Variants in STK11 observed in about 807,000 individuals in gnomAD.
The protein encoded by STK11 is serine/threonine kinase 11.
STK11 carries 8 observed loss-of-function variants against 47.3 expected under a neutral mutation model. The ratio of observed to expected loss-of-function variants is 0.17; its 90% CI spans 0.10 to 0.31. The LOEUF (loss-of-function observed/expected upper bound fraction) is 0.31. STK11 is among the 10% of genes least tolerant of loss of function. The pLI is 1.00. For synonymous variants in STK11, 330 were observed against 255.8 expected (o/e 1.29, Z -2.77); for missense variants, 475 against 605.0 (o/e 0.79, Z 2.25).
Position 1,219,444 on chromosome 19 carries a change from G to C in STK11, c.464+31G>C, listed in dbSNP as rs12608721. 18 of 1,304,746 alleles carry C rather than the reference G, an allele frequency of 1.4e-5. No homozygotes were observed. In the Admixed American group the frequency reaches 1.4e-4, roughly 10 times the overall value. The allele number at this position is 1,304,746 out of a possible 1,614,324, so 80.8% of individuals were successfully genotyped here. ...TGCGCGGGGCAGGGGCCAGGGTGGG[G>C]CGGGGGCCGGGGGCCAGGCAGGGCA... On this transcript the variant is annotated intron_variant, in intron 3 of 9. Transcript: ENST00000326873.
chr19:1,226,822 C>T (rs369091161), intron 9 of STK11, 159 bp downstream of exon 9: 17 of 898,578 alleles, frequency 1.9e-5, no homozygotes, highest in Middle Eastern at 3.6e-4. Context: ...TAGCGATCCC[C>T]GTGGAGGGTG....
At position 1,221,642 on chromosome 19, in the gene STK11, T is replaced by C. The variant is rs1277799473; in HGVS notation, c.862+302T>C. The C allele has an allele frequency of 2.9e-5, 17 of 587,050 alleles. No homozygotes were observed. In the South Asian group the frequency reaches 3.0e-4, roughly 10 times the overall value. The allele number at this position is 587,050 out of a possible 1,614,324, so 36.4% of individuals were successfully genotyped here. A position where few individuals can be genotyped will look rare whatever the true frequency, so the allele number is the denominator to read the frequency against. ...GCAGGGTCTGTCAGGGTTGTCCTGC[T>C]GCACTTCCTACGCATGGCAGCAGGT... On this transcript the variant is annotated intron_variant, in intron 6 of 9. Transcript: ENST00000326873.
rs751352435 is a variant in STK11, at chr19:1,226,611, C to T, written c.1266C>T (p.Ser422=). ...NPARKACSAS[S]KIRRLSACKQ... Reference sequence around the variant, plus strand: ...CCCGCAAGGCCTGCTCCGCCAGCAGCAAGATCCGCCGGCTGTCGGCCTGCA... The same window carrying T: ...CCCGCAAGGCCTGCTCCGCCAGCAGTAAGATCCGCCGGCTGTCGGCCTGCA... Residue 422 remains serine, a synonymous_variant, in exon 9 of 10, where the codon AGC becomes AGT. Transcript: ENST00000326873. 1.9e-6 allele frequency: 3 copies of T among 1,556,592 alleles called. No individual in the cohort carries two copies. The highest frequency in any genetic ancestry group is 1.9e-5 in the Admixed American group (1 of 51,882).
Position 1,206,438 on chromosome 19 carries a change from C to T in STK11, c.-476C>T. 1 of 237,516 alleles carries T rather than the reference C, an allele frequency of 4.2e-6. No homozygotes were observed. Among genetic ancestry groups the T allele is most frequent in the Non-Finnish European group, 8.3e-6 (1 of 120,878 alleles). 14.7% of individuals were successfully genotyped at this position (237,516 alleles called of 1,614,324 possible). A position where few individuals can be genotyped will look rare whatever the true frequency, so the allele number is the denominator to read the frequency against. ...GTTGGGCTCTCCAGGTGTGGGGGTC[C>T]CGGGGGGTAGCGACGTCGCGGACCC... On this transcript the variant is annotated 5_prime_UTR_variant, in exon 1 of 10. Coordinates refer to ENST00000326873, the MANE Select transcript of STK11 (RefSeq NM_000455.5).
intron 8 of STK11, chr19:1,224,208 T>C (rs900659246): frequency 1.0e-6 from 1 of 984,630 alleles, no homozygotes. Context: ...GTACAGTGTC[T>C]GGGGGCCCCC....
At position 1,208,985 on chromosome 19, in the gene STK11, T is replaced by G. The variant is rs200739501; in HGVS notation, c.290+1782T>G. ...AAACCAGGGGCACAGGCTCTGAAGT[T>G]TGTACTCTGGAGCTGGAGCAGTCAG... On this transcript the variant is annotated intron_variant, in intron 1 of 9. Coordinates refer to ENST00000326873, the MANE Select transcript of STK11 (RefSeq NM_000455.5). Among the ~76,000 whole-genome samples, 12 of 152,124 alleles carry G rather than the reference T, an allele frequency of 7.9e-5. No individual in the cohort carries two copies. The East Asian group carries it at 2.3e-3, about 29-fold the overall frequency.
intron 8 of STK11, chr19:1,224,213 GC>G (rs1288102390): frequency 1.3e-5 from 13 of 984,748 alleles, no homozygotes; most frequent in East Asian, 2.3e-4. Flanking sequence ...GTGTCTGGGG[GC>G]CCCCCAGGAG....
intron 1 of STK11, among the ~76,000 whole-genome samples, chr19:1,212,735 G>A (rs1437794545): frequency 3.9e-5 from 6 of 151,972 alleles, no homozygotes; most frequent in Non-Finnish European, 5.9e-5. Flanking sequence ...TAGTAGAGAC[G>A]GGGTTTCACC....
chr19:1,222,917 G>A (rs2080795124), intron 7 of STK11, 68 bp from the exon 8 acceptor site: 2 of 1,473,226 alleles, frequency 1.4e-6, no homozygotes, highest in South Asian at 1.4e-5. Flanking sequence ...GCCCAGAGGA[G>A]CTGGGTCGGA....
intron 8 of STK11, chr19:1,224,265 G>A (rs1039038802): frequency 3.0e-6 from 3 of 985,384 alleles, no homozygotes; most frequent in Non-Finnish European, 3.6e-6. Context: ...TACAGCGTGT[G>A]TGGGGCCCCC....
In STK11 at chr19:1,224,192, C is replaced by CG. The variant is rs1157979713; in HGVS notation, c.1108+1026dup. On this transcript the variant is annotated intron_variant, in intron 8 of 9. Transcript: ENST00000326873. ...CGAGAGCACAGTGTATGGGGGTCCC[C>CG]GGGGGGTACAGTGTCTGGGGGCCCC... The CG allele has an allele frequency of 1.6e-5, 16 of 985,220 alleles. No individual in the cohort carries two copies. The East Asian group carries it at 1.1e-3, about 70-fold the overall frequency. 61.0% of individuals were successfully genotyped at this position (985,220 alleles called of 1,614,324 possible).
rs114811194 is a variant in STK11, at chr19:1,213,806, G to C, written c.291-4611G>C. ...CACATCAGGAGGGATTCAGGGACCA[G>C]GGCACGCGGGTCTGGAGCTGGGTGT... On this transcript the variant is annotated intron_variant, in intron 1 of 9. Transcript: ENST00000326873. 9.2e-3 allele frequency among the ~76,000 whole-genome samples: 1,404 copies of C among 152,336 alleles called. 33 individuals are homozygous for C. Among genetic ancestry groups the C allele is most frequent in the African/African-American group, 0.032 (1,349 of 41,570 alleles).
intron 1 of STK11, among the ~76,000 whole-genome samples, chr19:1,212,220 A>G (rs72979514): frequency 2.8e-5 from 4 of 145,350 alleles, no homozygotes; most frequent in Non-Finnish European, 6.0e-5. Flanking sequence ...GACGGCCCGT[A>G]TATCCCACAA....
chr19:1,212,588 C>T (rs1046224959), intron 1 of STK11, among the ~76,000 whole-genome samples: 4 of 151,960 alleles, frequency 2.6e-5, no homozygotes, highest in South Asian at 2.1e-4. Context: ...ATTTTTGAGA[C>T]GGAGTCTCGC....
At chr19:1,207,573 T>G (rs2080676668) in intron 1 of STK11, among the ~76,000 whole-genome samples, 1 of 152,232 alleles carries the variant, frequency 6.6e-6, no homozygotes, top group Non-Finnish European at 1.5e-5. Flanking sequence ...CTGTGTTTGT[T>G]TGGGCCCCGA....
At position 1,221,237 on chromosome 19, in the gene STK11, C is replaced by T. The variant is rs137853075; in HGVS notation, c.759C>T (p.Tyr253=). ...VTLYNITTGL[Y]PFEGDNIYKL... is the part of the protein sequence containing the mutation. ...GCTACAACATCACCACGGGTCTGTA[C>T]CCCTTCGAAGGGGACAACATCTACA... The change falls in exon 6 of 10, where the codon TAC becomes TAT. Residue 253 remains tyrosine (Y), a synonymous_variant. Coordinates refer to ENST00000326873, the MANE Select transcript of STK11 (RefSeq NM_000455.5). 6.2e-7 allele frequency: 1 copy of T among 1,612,602 alleles called. No homozygotes were observed. The highest frequency in any genetic ancestry group is 8.5e-7 in the Non-Finnish European group (1 of 1,179,652).
chr19:1,216,907 C>T (rs2080748561), intron 1 of STK11, among the ~76,000 whole-genome samples: 1 of 151,820 alleles, frequency 6.6e-6, no homozygotes, highest in South Asian at 2.1e-4. Flanking sequence ...CAAGGTGCAG[C>T]TAGGCTGTGG....
chr19:1,212,419 C>T (rs2080717905), intron 1 of STK11, among the ~76,000 whole-genome samples: 1 of 151,592 alleles, frequency 6.6e-6, no homozygotes, highest in African/African-American at 2.4e-5. Context: ...ACCACCACAC[C>T]CGACTAGTTT....
chr19:1,206,440 G>A lies in STK11; in HGVS notation c.-474G>A, dbSNP rs866050909. 162 of 237,282 alleles carry A rather than the reference G, an allele frequency of 6.8e-4. No homozygotes were observed. The highest frequency in any genetic ancestry group is 1.1e-3 in the Non-Finnish European group (128 of 120,696). 14.7% of individuals were successfully genotyped at this position (237,282 alleles called of 1,614,324 possible). A position where few individuals can be genotyped will look rare whatever the true frequency, so the allele number is the denominator to read the frequency against. ...TGGGCTCTCCAGGTGTGGGGGTCCC[G>A]GGGGGTAGCGACGTCGCGGACCCGG... On this transcript the variant is annotated 5_prime_UTR_variant, in exon 1 of 10. Coordinates refer to ENST00000326873, the MANE Select transcript of STK11 (RefSeq NM_000455.5).
Sources: gnomAD v4.1 joint callset for allele counts (sites outside exome capture counted in the v4.1 genomes callset) on GRCh38, gnomAD v4.1.1 for gene constraint, MANE v1.5 for transcripts, NCBI Gene and HGNC (gene_info 2026-07-23, HGNC 2026-07-21) for gene names.